PIK3R6: variants seen among roughly 807,000 people sequenced by gnomAD.
PIK3R6 encodes the protein phosphoinositide-3-kinase regulatory subunit 6, also known as phosphoinositide 3-kinase regulatory subunit 6.
In PIK3R6, 91 loss-of-function variants were observed where a neutral mutation model predicts 84.9. That is an observed-to-expected ratio of 1.07 (90% CI 0.90 to 1.28). The LOEUF (loss-of-function observed/expected upper bound fraction) is 1.28, where lower values mean the gene tolerates loss of function less well. PIK3R6 is among the 50% of genes most tolerant of loss of function. PIK3R6 has a pLI of 0.00. For missense variants in PIK3R6, 996 were observed against 985.1 expected (o/e 1.01, Z -0.15); for synonymous variants, 416 against 411.4 (o/e 1.01, Z -0.13).
rs116761024 is a variant in PIK3R6, at chr17:8,842,701, C to T, written c.14-3004G>A. ...ACACAAACCACATGCCCCAAGGGTT[C>T]CTCTTTGACTGGGCTATCAGGAAAC... On this transcript the variant is annotated intron_variant, in intron 2 of 19. Coordinates refer to ENST00000619866, the MANE Select transcript of PIK3R6 (RefSeq NM_001010855.4). The surrounding 1 kb of genome is among the most constrained non-coding windows in gnomAD (Gnocchi z 4.5). Among the ~76,000 whole-genome samples the T allele has an allele frequency of 2.7e-3, 412 of 152,094 alleles. 4 individuals are homozygous for T. The highest frequency in any genetic ancestry group is 9.5e-3 in the African/African-American group (395 of 41,480).
chr17:8,822,741 G>T, intron 15 of PIK3R6, 84 bp from the exon 16 acceptor site: 1 of 1,386,790 alleles, frequency 7.2e-7, no homozygotes, highest in Non-Finnish European at 1.0e-6. Flanking sequence ...GGCAGGAGCT[G>T]AGCTGCTGGG....
intron 17 of PIK3R6, among the ~76,000 whole-genome samples, chr17:8,819,450 C>G (rs879892963): frequency 2.6e-5 from 4 of 151,856 alleles, no homozygotes; most frequent in African/African-American, 9.7e-5. Flanking sequence ...CAAATCCGCA[C>G]GCCCTACCCT....
At chr17:8,811,501 A>G (rs1438244827) in intron 18 of PIK3R6, among the ~76,000 whole-genome samples, 2 of 148,140 alleles carry the variant, frequency 1.4e-5, no homozygotes, top group African/African-American at 5.0e-5. Context: ...CAGGTTGCAA[A>G]TTTTCCAAAC....
chr17:8,837,930 G>C (rs2088536152), intron 4 of PIK3R6, 59 bp from the exon 5 acceptor site: 2 of 1,483,694 alleles, frequency 1.3e-6, no homozygotes, highest in South Asian at 1.1e-5. Context: ...ACTTCATAGC[G>C]GGAGGCAGTC....
chr17:8,835,615 A>AC (rs969751977), intron 7 of PIK3R6, among the ~76,000 whole-genome samples, 159 bp from the exon 8 acceptor site: 1 of 152,196 alleles, frequency 6.6e-6, no homozygotes, highest in African/African-American at 2.4e-5. Flanking sequence ...GGATGACAAT[A>AC]GGGAGTGGTG....
intron 2 of PIK3R6, 61 bp downstream of exon 2, chr17:8,849,721 A>T (rs577877940): frequency 1.3e-6 from 2 of 1,553,680 alleles, no homozygotes; most frequent in South Asian, 2.4e-5. Context: ...CTCACCCATG[A>T]GAAGGGCCTT....
At chr17:8,854,137 G>T (rs1293869071) in intron 1 of PIK3R6, among the ~76,000 whole-genome samples, 2 of 151,830 alleles carry the variant, frequency 1.3e-5, no homozygotes, top group South Asian at 2.1e-4. Context: ...TAATGCCTGA[G>T]AACTCACACT....
At position 8,827,147 on chromosome 17, in the gene PIK3R6, C is replaced by T. The variant is rs770086124; in HGVS notation, c.1515+25G>A. On this transcript the variant is annotated intron_variant, in intron 13 of 19. Coordinates refer to ENST00000619866, the MANE Select transcript of PIK3R6 (RefSeq NM_001010855.4). ...ACCCCACTCCCGTCCCTCTCTCCCT[C>T]CCTGGTACCCTCACCCTCCCCTACC... 1.5e-5 allele frequency: 24 copies of T among 1,610,688 alleles called. No individual in the cohort carries two copies. The Admixed American group carries it at 4.0e-4, about 27-fold the overall frequency.
chr17:8,858,089 C>T (rs192422481), intron 1 of PIK3R6, among the ~76,000 whole-genome samples: 285 of 152,222 alleles, frequency 1.9e-3, no homozygotes, highest in Middle Eastern at 3.4e-3. Flanking sequence ...CCTTTGTGGT[C>T]GATTTCCTGT....
At chr17:8,833,267 G>A (rs1268688816) in intron 8 of PIK3R6, among the ~76,000 whole-genome samples, 1 of 152,238 alleles carries the variant, frequency 6.6e-6, no homozygotes, top group Non-Finnish European at 1.5e-5. Flanking sequence ...GCTATTATGG[G>A]GAGACTACTG....
At chr17:8,806,970 C>T (rs1247418656) in intron 18 of PIK3R6, among the ~76,000 whole-genome samples, 2 of 152,180 alleles carry the variant, frequency 1.3e-5, no homozygotes, top group African/African-American at 4.8e-5. Flanking sequence ...CCTAGCAAGT[C>T]CCTGTAGGGA....
intron 2 of PIK3R6, among the ~76,000 whole-genome samples, chr17:8,840,942 C>T (rs531623985): frequency 2.2e-4 from 33 of 151,274 alleles, no homozygotes; most frequent in Admixed American, 3.9e-4. Flanking sequence ...TTAGCAGAGA[C>T]GGGATTTCAC....
chr17:8,837,699 T>C, intron 5 of PIK3R6, 104 bp downstream of exon 5: 1 of 1,018,086 alleles, frequency 9.8e-7, no homozygotes, highest in Non-Finnish European at 1.5e-6. Context: ...CAAGGGATTT[T>C]CTAGGCTCAT....
At position 8,821,891 on chromosome 17, in the gene PIK3R6, C is replaced by T. The variant is rs1221963227; in HGVS notation, c.1834G>A (p.Ala612Thr). The change falls in exon 17 of 20, where the codon GCC becomes ACC. Residue 612 changes from alanine to threonine, a missense_variant. By Grantham distance (58) the Ala-to-Thr change is moderately conservative. Transcript: ENST00000619866. ...RPREVTVSLR[A>T]TGLILKAIPA... ...ATGGCCTTCAGGATCAGCCCAGTGG[C>T]CCGCAGGGAAACGGTGACCTCTCGG... 6.3e-7 allele frequency: 1 copy of T among 1,596,910 alleles called. No homozygotes were observed. The highest frequency in any genetic ancestry group is 1.1e-5 in the South Asian group (1 of 87,918).
At chr17:8,805,031 G>A (rs1567560138) in intron 18 of PIK3R6, among the ~76,000 whole-genome samples, 1 of 152,194 alleles carries the variant, frequency 6.6e-6, no homozygotes, top group Non-Finnish European at 1.5e-5. Flanking sequence ...AGAGGCACGA[G>A]CAGCAGCCTG....
At chr17:8,851,442 A>T (rs1385301794) in intron 1 of PIK3R6, among the ~76,000 whole-genome samples, 2 of 152,194 alleles carry the variant, frequency 1.3e-5, no homozygotes, top group East Asian at 3.8e-4. Flanking sequence ...GCTTGCAGTG[A>T]GCCGAGATCG....
At chr17:8,829,198 C>A (rs1464478391) in intron 10 of PIK3R6, among the ~76,000 whole-genome samples, 1 of 139,614 alleles carries the variant, frequency 7.2e-6, no homozygotes. Context: ...GACATACACA[C>A]ACGTGCACAC....
At chr17:8,822,445 A>G in intron 16 of PIK3R6, 142 bp downstream of exon 16, 2 of 930,210 alleles carry the variant, frequency 2.2e-6, no homozygotes, top group Non-Finnish European at 3.3e-6. Flanking sequence ...AACTCCCTGA[A>G]GGCTGGGGAA....
At position 8,862,635 on chromosome 17, in the gene PIK3R6, C is replaced by T. The variant is rs1300551720; in HGVS notation, c.-92+4894G>A. The stretch of plus-strand genomic sequence containing the variant: ...CAATGTTTGACTGCTGCTTTTGTGC[C>T]ACAAGGGCAATGTGCAAGGTACTGA... On this transcript the variant is annotated intron_variant, in intron 1 of 19. Transcript: ENST00000619866. The surrounding 1 kb of genome is among the most constrained non-coding windows in gnomAD (Gnocchi z 4.3). Among the ~76,000 whole-genome samples the T allele has an allele frequency of 6.6e-6, 1 of 152,090 alleles. No homozygotes were observed. The highest frequency in any genetic ancestry group is 6.5e-5 in the Admixed American group (1 of 15,268).
Sources: gnomAD v4.1 joint callset for allele counts (sites outside exome capture counted in the v4.1 genomes callset) on GRCh38, gnomAD v4.1.1 for gene constraint, Gnocchi (gnomAD v3.1) non-coding constraint, MANE v1.5 for transcripts, NCBI Gene and HGNC (gene_info 2026-07-23, HGNC 2026-07-21) for gene names.